Variants in ZNF722 observed in about 807,000 individuals in gnomAD.
ZNF722 encodes the protein zinc finger protein 479 pseudogene.
At chr7:64,006,362 C>A in the ZNF722 span, 3 of 1,170,322 alleles carry the variant, frequency 2.6e-6, no homozygotes, top group South Asian at 1.5e-5. Context: ...ATGAGAGATA[C>A]ACAAATCAAC....
the ZNF722 span, among the ~76,000 whole-genome samples, chr7:64,004,428 ATATATATAT>A: frequency 3.1e-5 from 2 of 64,260 alleles, no homozygotes; most frequent in East Asian, 7.9e-4. Flanking sequence ...AAAAAAAAAT[ATATATATAT>A]ATATATATAT....
chr7:64,007,220 GTT>G, the ZNF722 span, among the ~76,000 whole-genome samples: 4,090 of 132,782 alleles, frequency 0.031, 83 homozygotes, highest in Non-Finnish European at 0.038. Context: ...CCATTTGTGT[GTT>G]TGTGTGTGTA....
At chr7:64,006,203 T>C in the ZNF722 span, 7 of 1,154,908 alleles carry the variant, frequency 6.1e-6, no homozygotes, top group Middle Eastern at 1.0e-3. Context: ...TTTATCTTAC[T>C]TTTTTTTCTT....
chr7:64,000,587 A>ATTACAGG, the ZNF722 span, among the ~76,000 whole-genome samples: 3 of 149,624 alleles, frequency 2.0e-5, no homozygotes, highest in Admixed American at 2.0e-4. Context: ...AGTAGCTGGG[A>ATTACAGG]TTACAGGTAC....
the ZNF722 span, among the ~76,000 whole-genome samples, chr7:64,008,306 G>A: frequency 2.1e-4 from 32 of 152,138 alleles, no homozygotes; most frequent in Non-Finnish European, 3.8e-4. Context: ...TTTTAGTCAT[G>A]AAGTCCTTGC....
the ZNF722 span, among the ~76,000 whole-genome samples, chr7:64,011,102 A>G: frequency 1.3e-5 from 2 of 150,850 alleles, no homozygotes; most frequent in African/African-American, 2.4e-5. Context: ...TTTGGTGAGG[A>G]TGGATCTTCC....
chr7:64,007,230 G>GTGTATATATATATATATATATA, the ZNF722 span, among the ~76,000 whole-genome samples: 10 of 138,492 alleles, frequency 7.2e-5, no homozygotes, highest in African/African-American at 2.0e-4. Flanking sequence ...GTTTGTGTGT[G>GTGTATATATATATATATATATA]TATATATATA....
chr7:64,001,694 C>T, the ZNF722 span, among the ~76,000 whole-genome samples: 9 of 152,182 alleles, frequency 5.9e-5, no homozygotes, highest in African/African-American at 2.2e-4. Context: ...CAAATTTATA[C>T]TCTCACTTGC....
chr7:64,006,163 C>G, the ZNF722 span: 3 of 902,338 alleles, frequency 3.3e-6, no homozygotes, highest in Non-Finnish European at 4.8e-6. Context: ...AACCATAATA[C>G]TAGTTTGGTA....
the ZNF722 span, among the ~76,000 whole-genome samples, chr7:64,016,387 C>T: frequency 6.6e-6 from 1 of 152,104 alleles, no homozygotes; most frequent in African/African-American, 2.4e-5. Flanking sequence ...ATCCACCTGC[C>T]TCAGCCTCCC....
At chr7:64,005,632 C>T in the ZNF722 span, 1 of 1,231,654 alleles carries the variant, frequency 8.1e-7, no homozygotes, top group Non-Finnish European at 1.2e-6. Flanking sequence ...CATTCAGAGA[C>T]ATAGCTATAG....
chr7:64,001,966 C>A, the ZNF722 span, among the ~76,000 whole-genome samples: 2 of 152,240 alleles, frequency 1.3e-5, no homozygotes, highest in East Asian at 3.9e-4. Flanking sequence ...TCACTGCAAC[C>A]TCTGCCCTCC....
chr7:64,015,212 G>A, the ZNF722 span: 2 of 1,264,758 alleles, frequency 1.6e-6, no homozygotes, highest in South Asian at 1.2e-5. Context: ...AGCAATGTTT[G>A]TCAAATACCC....
chr7:64,011,835 A>G, the ZNF722 span, among the ~76,000 whole-genome samples: 1 of 152,138 alleles, frequency 6.6e-6, no homozygotes, highest in African/African-American at 2.4e-5. Context: ...ATAATATCCT[A>G]CAGAGTATTT....
At chr7:64,000,436 C>CTTTTTTTTTTTTTTTTT in the ZNF722 span, among the ~76,000 whole-genome samples, 8 of 23,690 alleles carry the variant, frequency 3.4e-4, 3 homozygotes, top group African/African-American at 5.8e-4. Context: ...CATGCCCGGC[C>CTTTTTTTTTTTTTTTTT]TTTTTTTTTT....
chr7:64,014,886 C>T, the ZNF722 span: 4 of 679,428 alleles, frequency 5.9e-6, no homozygotes, highest in Non-Finnish European at 9.7e-6. Context: ...TAGGTTTATA[C>T]ATCTATGAAG....
the ZNF722 span, among the ~76,000 whole-genome samples, chr7:64,006,618 G>GAC: frequency 6.6e-6 from 1 of 152,024 alleles, no homozygotes; most frequent in Non-Finnish European, 1.5e-5. Flanking sequence ...AGCTTTTGGG[G>GAC]ACACACTAAT....
chr7:64,014,891 A>T, the ZNF722 span: 2 of 701,244 alleles, frequency 2.9e-6, no homozygotes, highest in Non-Finnish European at 4.7e-6. Context: ...TTATACATCT[A>T]TGAAGGAATT....
At chr7:64,006,799 A>C in the ZNF722 span, among the ~76,000 whole-genome samples, 6 of 149,116 alleles carry the variant, frequency 4.0e-5, no homozygotes, top group African/African-American at 1.5e-4. Flanking sequence ...TTTTTTTACA[A>C]ATTTTTTTCA....
Sources: gnomAD v4.1 joint callset for allele counts (sites outside exome capture counted in the v4.1 genomes callset) on GRCh38, gnomAD v4.1.1 for gene constraint, MANE v1.5 for transcripts, NCBI Gene and HGNC (gene_info 2026-07-23, HGNC 2026-07-21) for gene names.